SOX6: variants seen among roughly 807,000 people sequenced by gnomAD.
SOX6 encodes the protein SRY-box transcription factor 6.
Under a neutral mutation model 97.8 loss-of-function variants are expected in SOX6, and 11 were observed. That is an observed-to-expected ratio of 0.11 (90% CI 0.07 to 0.19). SOX6 has a LOEUF of 0.19. Among genes scored for constraint, SOX6 ranks in the 10% least tolerant of loss-of-function variants. SOX6 has a pLI of 1.00. For synonymous variants in SOX6, 360 were observed against 371.4 expected (o/e 0.97, Z 0.35); for missense variants, 810 against 1,039.5 (o/e 0.78, Z 3.04).
At chr11:16,132,401 A>AAAAAG (rs1849807867) in intron 6 of SOX6, among the ~76,000 whole-genome samples, 7 of 43,842 alleles carry the variant, frequency 1.6e-4, no homozygotes, top group African/African-American at 7.8e-4. Flanking sequence ...AAAGAAAGAA[A>AAAAAG]AAAGAAAGAA....
At chr11:16,590,808 G>T (rs547408820) in intron 4 of SOX6, among the ~76,000 whole-genome samples, 3 of 152,126 alleles carry the variant, frequency 2.0e-5, no homozygotes, top group African/African-American at 7.2e-5. Context: ...AGGCTGGGAA[G>T]GGTAGTCAGG....
intron 3 of SOX6, among the ~76,000 whole-genome samples, chr11:16,271,094 A>G (rs1854245959): frequency 6.6e-6 from 1 of 151,438 alleles, no homozygotes; most frequent in South Asian, 2.1e-4. Context: ...TTTATCAAAA[A>G]TGTGTTACAA....
At chr11:16,179,701 C>T (rs189100207) in intron 6 of SOX6, among the ~76,000 whole-genome samples, 2 of 151,962 alleles carry the variant, frequency 1.3e-5, no homozygotes, top group Admixed American at 1.3e-4. Flanking sequence ...CCAAAAAAGA[C>T]ACATGTGTAT....
At chr11:16,721,506 C>CTG (rs1848261788) in intron 2 of SOX6, among the ~76,000 whole-genome samples, 1 of 13,648 alleles carries the variant, frequency 7.3e-5, no homozygotes, top group East Asian at 2.1e-3. Context: ...TTCTGTCTCT[C>CTG]TCTCTCTCTC....
rs2119713491 is a variant in SOX6 at position 15,966,711 on chromosome 11, G to C, written c.*6098C>G. ...TAGCTAAGGTGCCAACATACACCAG[G>C]ATAGATAAAGACAGTGTGTCTTTCA... On this transcript the variant is annotated 3_prime_UTR_variant, in exon 16 of 16. Transcript: ENST00000683767. 1 of 152,240 alleles carries C rather than the reference G, an allele frequency of 6.6e-6. No individual in the cohort carries two copies. Among genetic ancestry groups the C allele is most frequent in the Non-Finnish European group, 1.5e-5 (1 of 68,032 alleles). The allele number at this position is 152,240 out of a possible 1,614,324, so 9.4% of individuals were successfully genotyped here.
intron 4 of SOX6, among the ~76,000 whole-genome samples, chr11:16,502,133 T>TA (rs1177839248): frequency 6.6e-6 from 1 of 151,290 alleles, no homozygotes; most frequent in Non-Finnish European, 1.5e-5. Flanking sequence ...TATGCAGCCA[T>TA]AAAAAATGAT....
chr11:16,120,382 C>T (rs1355246622), intron 6 of SOX6, among the ~76,000 whole-genome samples: 1 of 151,650 alleles, frequency 6.6e-6, no homozygotes, highest in Non-Finnish European at 1.5e-5. Flanking sequence ...AATGTCTTCC[C>T]AGGATTTGGC....
intron 1 of SOX6, among the ~76,000 whole-genome samples, chr11:16,377,123 A>AT (rs1197606032): frequency 1.3e-5 from 2 of 152,000 alleles, no homozygotes; most frequent in Non-Finnish European, 2.9e-5. Context: ...AAATATAGTG[A>AT]TAAAAACTAT....
At chr11:16,325,087 C>T (rs1245436987) in intron 2 of SOX6, among the ~76,000 whole-genome samples, 1 of 152,026 alleles carries the variant, frequency 6.6e-6, no homozygotes, top group Non-Finnish European at 1.5e-5. Context: ...AGTATTGGGA[C>T]AACAGATAAT....
At chr11:16,486,332 T>C (rs1346890679) in intron 4 of SOX6, among the ~76,000 whole-genome samples, 1 of 152,180 alleles carries the variant, frequency 6.6e-6, no homozygotes, top group Non-Finnish European at 1.5e-5. Context: ...CCTTTATTCC[T>C]TCATGCCCCT....
At position 16,244,764 on chromosome 11, in the gene SOX6, GTGTT is replaced by G. The variant is rs1853287398; in HGVS notation, c.446-10097_446-10094del. Among the ~76,000 whole-genome samples, 5 of 151,736 alleles carry G rather than the reference GTGTT, an allele frequency of 3.3e-5. No individual in the cohort carries two copies. In the South Asian group the frequency reaches 1.0e-3, roughly 32 times the overall value. On this transcript the variant is annotated intron_variant, in intron 3 of 15. Transcript: ENST00000683767. ...GTGTATAGAGTGTGTATGTGTGTGT[GTGTT>G]TGTGTGTGTGTTTGTAGATCTATTT... is the stretch of plus-strand genomic sequence containing the variant.
chr11:16,015,648 C>A (rs780800598), intron 12 of SOX6, among the ~76,000 whole-genome samples: 7 of 151,980 alleles, frequency 4.6e-5, no homozygotes, highest in Non-Finnish European at 7.4e-5. Flanking sequence ...AAGTTAAATA[C>A]CCCTGCTGCT....
chr11:16,019,276 T>G (rs1283498188), intron 12 of SOX6, among the ~76,000 whole-genome samples: 1 of 152,114 alleles, frequency 6.6e-6, no homozygotes, highest in African/African-American at 2.4e-5. Context: ...AACAAATATA[T>G]TTCATTTAAG....
chr11:16,666,177 G>A (rs547163284), intron 3 of SOX6, among the ~76,000 whole-genome samples: 23 of 152,138 alleles, frequency 1.5e-4, no homozygotes, highest in African/African-American at 3.1e-4. Context: ...CATCAACACC[G>A]TCAGGAAAAC....
At chr11:16,368,561 TA>T (rs1857419871) in intron 1 of SOX6, among the ~76,000 whole-genome samples, 1 of 152,122 alleles carries the variant, frequency 6.6e-6, no homozygotes, top group South Asian at 2.1e-4. Flanking sequence ...TCTACCTATT[TA>T]AAAAATGAAG....
chr11:16,022,517 T>A lies in SOX6; in HGVS notation c.1624-7467A>T, dbSNP rs562111145. Among the ~76,000 whole-genome samples, 20 of 152,026 alleles carry A rather than the reference T, an allele frequency of 1.3e-4. No individual in the cohort carries two copies. In the East Asian group the frequency reaches 3.9e-3, roughly 29 times the overall value. ...ACCTCTGCCTCCCAGATTCAAGCAA[T>A]TCTCCTACCTCAGCCTCCCAAGTAG... On this transcript the variant is annotated intron_variant, in intron 12 of 15. Transcript: ENST00000683767.
chr11:16,394,153 A>AT (rs1471246101), intron 1 of SOX6, among the ~76,000 whole-genome samples: 1 of 151,954 alleles, frequency 6.6e-6, no homozygotes, highest in Non-Finnish European at 1.5e-5. Flanking sequence ...TTTTAATTGT[A>AT]TTTTTACTAT....
At position 16,729,179 on chromosome 11, in the gene SOX6, C is replaced by G. The variant is rs557502215; in HGVS notation, n.353+7160G>C. Among the ~76,000 whole-genome samples, 10 of 152,300 alleles carry G rather than the reference C, an allele frequency of 6.6e-5. No homozygotes were observed. The South Asian group carries it at 8.3e-4, about 13-fold the overall frequency. ...TTCAGGATATTATCCAGGAGAACTT[C>G]CCCAACCTAGCAAGGCAGGCCAACG... On this transcript the variant is annotated intron_variant and non_coding_transcript_variant, in intron 2 of 5. Coordinates refer to the SOX6 transcript ENST00000524520.
At chr11:16,477,588 C>G (rs56311489), upstream of SOX6, among the ~76,000 whole-genome samples, 37,473 of 152,082 alleles carry the variant, frequency 0.25, 5,034 homozygotes, top group Middle Eastern at 0.29. Flanking sequence ...CAGTGGCTCA[C>G]GCCTGTAATC....
Sources: gnomAD v4.1 joint callset for allele counts (sites outside exome capture counted in the v4.1 genomes callset) on GRCh38, gnomAD v4.1.1 for gene constraint, MANE v1.5 for transcripts, NCBI Gene and HGNC (gene_info 2026-07-23, HGNC 2026-07-21) for gene names.